Variants in SMYD3 observed in about 807,000 individuals in gnomAD.
The protein encoded by SMYD3 is histone-lysine N-methyltransferase SMYD3.
SMYD3 carries 36 observed loss-of-function variants against 57.7 expected under a neutral mutation model. That is an observed-to-expected ratio of 0.62 (90% CI 0.48 to 0.82). SMYD3 has a LOEUF of 0.82. SMYD3 is among the 40% of genes least tolerant of loss of function. SMYD3 has a pLI of 0.00. For synonymous variants in SMYD3, 211 were observed against 195.0 expected (o/e 1.08, Z -0.68); for missense variants, 515 against 538.8 (o/e 0.96, Z 0.44).
intron 10 of SMYD3, among the ~76,000 whole-genome samples, chr1:245,773,560 A>C (rs941804969): frequency 1.3e-5 from 2 of 152,146 alleles, no homozygotes; most frequent in East Asian, 3.9e-4. Context: ...AGCATCTTCC[A>C]GGCAGGCAGG....
chr1:246,133,239 T>C (rs2061614554), intron 5 of SMYD3, among the ~76,000 whole-genome samples: 1 of 152,008 alleles, frequency 6.6e-6, no homozygotes, highest in Non-Finnish European at 1.5e-5. Context: ...ATTGAATAAC[T>C]TTCCCAAAGC....
chr1:245,837,265 A>G (rs2050150462), intron 10 of SMYD3, among the ~76,000 whole-genome samples: 1 of 151,082 alleles, frequency 6.6e-6, no homozygotes, highest in Non-Finnish European at 1.5e-5. Flanking sequence ...GAAGAAGAAG[A>G]AGGAGAGGAA....
chr1:246,493,227 G>A (rs1391422727), intron 1 of SMYD3, among the ~76,000 whole-genome samples: 1 of 142,876 alleles, frequency 7.0e-6, no homozygotes, highest in African/African-American at 2.5e-5. Flanking sequence ...AGGAGAGGGG[G>A]GCTGAGGTAG....
At chr1:246,299,172 T>A (rs1221599175) in intron 5 of SMYD3, among the ~76,000 whole-genome samples, 2 of 152,016 alleles carry the variant, frequency 1.3e-5, no homozygotes, top group Non-Finnish European at 2.9e-5. Context: ...TGGAAAAAAA[T>A]GGAAATACTT....
chr1:246,115,801 G>A (rs1558242361), intron 5 of SMYD3, among the ~76,000 whole-genome samples: 1 of 152,188 alleles, frequency 6.6e-6, no homozygotes, highest in Non-Finnish European at 1.5e-5. Context: ...ACTAGCACTG[G>A]AAAGAGATAA....
chr1:246,345,623 G>A (rs2065701963), intron 2 of SMYD3, among the ~76,000 whole-genome samples: 2 of 151,976 alleles, frequency 1.3e-5, no homozygotes, highest in African/African-American at 4.8e-5. Flanking sequence ...TTTTGATTTG[G>A]GATGCTCAAC....
intron 10 of SMYD3, among the ~76,000 whole-genome samples, chr1:245,843,026 A>T (rs745361396): frequency 1.6e-4 from 25 of 152,298 alleles, no homozygotes; most frequent in Admixed American, 9.2e-4. Context: ...GTATTTTTTT[A>T]AAATAAAAAC....
At chr1:246,479,502 A>ATT (rs35818746) in intron 1 of SMYD3, among the ~76,000 whole-genome samples, 6,156 of 107,532 alleles carry the variant, frequency 0.057, 364 homozygotes, top group African/African-American at 0.067. Context: ...AAAAAGCGGG[A>ATT]TTTTTTTTTT....
At chr1:245,980,968 A>C (rs1371043940) in intron 5 of SMYD3, among the ~76,000 whole-genome samples, 2 of 152,250 alleles carry the variant, frequency 1.3e-5, no homozygotes, top group Non-Finnish European at 2.9e-5. Flanking sequence ...AGAGTAAAGC[A>C]GTTCTAAGAA....
chr1:246,331,921 C>T (rs2065468061), intron 3 of SMYD3, among the ~76,000 whole-genome samples: 1 of 152,126 alleles, frequency 6.6e-6, no homozygotes, highest in African/African-American at 2.4e-5. Flanking sequence ...CCATATAAGA[C>T]CACAAACTTA....
chr1:246,116,201 G>GACACACACAC lies in SMYD3; in HGVS notation c.532-186274_532-186265dup, dbSNP rs56722969. On this transcript the variant is annotated intron_variant, in intron 5 of 11. Transcript: ENST00000490107. Reference sequence around the variant, plus strand: ...CCTATACCTCAAGCACCCTGAGATGGACACACACACACACACACACACACA... The same window carrying GACACACACAC: ...CCTATACCTCAAGCACCCTGAGATGGACACACACACACACACACACACACACACACACACA... Among the ~76,000 whole-genome samples, 1,221 of 145,988 alleles carry GACACACACAC rather than the reference G, an allele frequency of 8.4e-3. 6 individuals are homozygous for GACACACACAC. The highest frequency in any genetic ancestry group is 0.013 in the Admixed American group (193 of 14,688).
intron 5 of SMYD3, among the ~76,000 whole-genome samples, chr1:246,268,635 C>T (rs1374192127): frequency 1.3e-5 from 2 of 151,788 alleles, no homozygotes; most frequent in Admixed American, 6.6e-5. Flanking sequence ...ACCTGGGAGG[C>T]GGAGGTTGCA....
chr1:246,084,027 G>T (rs2060685915), intron 5 of SMYD3, among the ~76,000 whole-genome samples: 1 of 151,882 alleles, frequency 6.6e-6, no homozygotes, highest in African/African-American at 2.4e-5. Flanking sequence ...TAATACTGTA[G>T]TATTGTTTGG....
Position 246,507,222 on chromosome 1 carries a change from C to G in SMYD3, c.-5G>C. On this transcript the variant is annotated 5_prime_UTR_variant, in exon 1 of 12. Coordinates refer to ENST00000490107, the MANE Select transcript of SMYD3 (RefSeq NM_001167740.2). ...TTCCACCTTCAGCGGCTCCATCCTCCCGCAGCTCCGGCACCTCAGACGGCT... is the reference window on the plus strand; with the variant it reads ...TTCCACCTTCAGCGGCTCCATCCTCGCGCAGCTCCGGCACCTCAGACGGCT... 1 of 1,514,706 alleles carries G rather than the reference C, an allele frequency of 6.6e-7. No individual in the cohort carries two copies. Among genetic ancestry groups the G allele is most frequent in the Non-Finnish European group, 8.9e-7 (1 of 1,129,050 alleles). The allele number at this position is 1,514,706 out of a possible 1,614,324, so 93.8% of individuals were successfully genotyped here.
chr1:246,003,298 G>A (rs1191045388), intron 5 of SMYD3, among the ~76,000 whole-genome samples: 1 of 152,214 alleles, frequency 6.6e-6, no homozygotes, highest in Non-Finnish European at 1.5e-5. Flanking sequence ...CTCTGGCAGG[G>A]GCATCAGGTG....
chr1:246,080,534 T>C (rs1469503102), intron 5 of SMYD3, among the ~76,000 whole-genome samples: 4 of 152,108 alleles, frequency 2.6e-5, no homozygotes, highest in Non-Finnish European at 2.9e-5. Flanking sequence ...GCCAGAAAGG[T>C]TGGGAACCAC....
rs188386081 is a variant in SMYD3 at position 246,491,695 on chromosome 1, A to G, written c.164+15359T>C. 1.8e-4 allele frequency among the ~76,000 whole-genome samples: 28 copies of G among 152,308 alleles called. 1 individual carries two copies. In the East Asian group the frequency reaches 4.6e-3, roughly 25 times the overall value. ...CAACTAAGACACAGCTCTAGAGAGGAGCTGCCCCTGGCTGATACCATCGGT... is the reference window on the plus strand; with the variant it reads ...CAACTAAGACACAGCTCTAGAGAGGGGCTGCCCCTGGCTGATACCATCGGT... On this transcript the variant is annotated intron_variant, in intron 1 of 11. Transcript: ENST00000490107.
chr1:246,268,644 C>A (rs532085024), intron 5 of SMYD3, among the ~76,000 whole-genome samples: 1 of 152,108 alleles, frequency 6.6e-6, no homozygotes, highest in African/African-American at 2.4e-5. Context: ...GCGGAGGTTG[C>A]AGTCAGCCAA....
chr1:245,873,376 T>A (rs1433930473), intron 8 of SMYD3, among the ~76,000 whole-genome samples: 2 of 152,212 alleles, frequency 1.3e-5, no homozygotes, highest in Non-Finnish European at 2.9e-5. Flanking sequence ...TGTAAGCCCA[T>A]ACTCACAACT....
Sources: allele counts gnomAD v4.1 joint callset (sites outside exome capture counted in the v4.1 genomes callset), GRCh38; gene constraint gnomAD v4.1.1; transcripts MANE v1.5; gene names NCBI Gene and HGNC (gene_info 2026-07-23, HGNC 2026-07-21).